LINGO1: variants seen among roughly 807,000 people sequenced by gnomAD.
LINGO1 encodes the protein leucine-rich repeat and immunoglobulin-like domain-containing nogo receptor-interacting protein 1.
In LINGO1, 11 loss-of-function variants were observed where a neutral mutation model predicts 37.3. The ratio of observed to expected loss-of-function variants is 0.29; its 90% CI spans 0.19 to 0.49. The LOEUF (loss-of-function observed/expected upper bound fraction) is 0.49. LINGO1 is among the 20% of genes least tolerant of loss of function. LINGO1 has a pLI of 0.99. For missense variants in LINGO1, 585 were observed against 878.2 expected (o/e 0.67, Z 4.22); for synonymous variants, 387 against 403.0 (o/e 0.96, Z 0.48).
intron 1 of LINGO1, among the ~76,000 whole-genome samples, chr15:77,619,045 A>G (rs373806983): frequency 1.1e-3 from 167 of 152,370 alleles, no homozygotes; most frequent in African/African-American, 3.5e-3. Flanking sequence ...GAATGCCACC[A>G]AGTCCTGCCT....
chr15:77,664,161 GTGTGTGTGTGCGCGCGCGCA>G (rs1469164994), intron 3 of LINGO1, among the ~76,000 whole-genome samples: 1 of 143,212 alleles, frequency 7.0e-6, no homozygotes, highest in Non-Finnish European at 1.5e-5. Flanking sequence ...GTGTGTGTGT[GTGTGTGTGTGCGCGCGCGCA>G]TGCGTTTGCA....
At position 77,615,634 on chromosome 15, in the gene LINGO1, G is replaced by A. The variant is rs763809060; in HGVS notation, c.273C>T (p.Phe91=). Residue 91 remains phenylalanine, a synonymous_variant, in exon 2 of 2, where the codon TTC becomes TTT. Coordinates refer to ENST00000355300, the MANE Select transcript of LINGO1 (RefSeq NM_032808.7). ...GCTCCTCCAGGTGCGGGAAGCTGGCGAACTCGTCCTGGTTGAGCGTTTTGA... is the reference window on the plus strand; with the variant it reads ...GCTCCTCCAGGTGCGGGAAGCTGGCAAACTCGTCCTGGTTGAGCGTTTTGA... ...NRIKTLNQDE[F]ASFPHLEELE... is the part of the protein sequence containing the mutation. The A allele has an allele frequency of 7.4e-6, 12 of 1,612,130 alleles. No individual in the cohort carries two copies. Among genetic ancestry groups the A allele is most frequent in the South Asian group, 3.3e-5 (3 of 90,770 alleles).
intron 1 of LINGO1, among the ~76,000 whole-genome samples, chr15:77,752,263 G>C (rs1479945516): frequency 6.6e-6 from 1 of 152,196 alleles, no homozygotes; most frequent in Non-Finnish European, 1.5e-5. Context: ...GCTCCCCGCA[G>C]AGCCCCACCA....
At chr15:77,719,058 A>G (rs2076018198) in intron 2 of LINGO1, among the ~76,000 whole-genome samples, 1 of 150,184 alleles carries the variant, frequency 6.7e-6, no homozygotes. Context: ...ATAAATGAGG[A>G]GCTTGTCCAG....
At chr15:77,750,665 C>T (rs879430975) in intron 1 of LINGO1, among the ~76,000 whole-genome samples, 5 of 152,350 alleles carry the variant, frequency 3.3e-5, no homozygotes, top group African/African-American at 1.2e-4. Context: ...CTGTGCTGAG[C>T]CTACTATGAG....
intron 1 of LINGO1, among the ~76,000 whole-genome samples, chr15:77,760,727 C>G (rs62007789): frequency 0.033 from 5,091 of 152,168 alleles, 145 homozygotes; most frequent in Middle Eastern, 0.058. Flanking sequence ...TAAATCTCCC[C>G]CTATGTCCTG....
At chr15:77,801,705 C>T (rs115537961) in intron 1 of LINGO1, among the ~76,000 whole-genome samples, 2,388 of 152,156 alleles carry the variant, frequency 0.016, 57 homozygotes, top group African/African-American at 0.055. Flanking sequence ...CCATCCAGTC[C>T]CAGCCCCACC....
At chr15:77,617,441 C>T (rs570533588) in intron 1 of LINGO1, among the ~76,000 whole-genome samples, 25 of 152,288 alleles carry the variant, frequency 1.6e-4, no homozygotes, top group African/African-American at 6.0e-4. Context: ...AGACCCATCC[C>T]TGCTCCTCTA....
chr15:77,809,826 CCT>C (rs992665946), intron 1 of LINGO1, among the ~76,000 whole-genome samples: 17 of 152,186 alleles, frequency 1.1e-4, no homozygotes, highest in African/African-American at 1.9e-4. Flanking sequence ...GCAACATGCC[CCT>C]GTCTCACAGC....
intron 3 of LINGO1, chr15:77,648,990 C>G (rs2074698785): frequency 6.6e-6 from 1 of 152,264 alleles, no homozygotes; most frequent in African/African-American, 2.4e-5. Flanking sequence ...AACCCCTCAG[C>G]TCTGCATGTA....
At chr15:77,705,805 G>A (rs1000553200) in intron 2 of LINGO1, among the ~76,000 whole-genome samples, 4 of 152,224 alleles carry the variant, frequency 2.6e-5, no homozygotes, top group African/African-American at 9.6e-5. Flanking sequence ...TCCTAGGGGA[G>A]AGTCAGCCAC....
At chr15:77,798,455 A>G (rs928401006) in intron 1 of LINGO1, among the ~76,000 whole-genome samples, 1 of 152,144 alleles carries the variant, frequency 6.6e-6, no homozygotes, top group Non-Finnish European at 1.5e-5. Context: ...GCTCCAAGAC[A>G]ATGAATGGGC....
In LINGO1 at chr15:77,673,833, G is replaced by C. The variant is rs148135662; in HGVS notation, c.-13+3256C>G. Among the ~76,000 whole-genome samples, 36 of 152,130 alleles carry C rather than the reference G, an allele frequency of 2.4e-4. No individual in the cohort carries two copies. In the East Asian group the frequency reaches 7.0e-3, roughly 29 times the overall value. On this transcript the variant is annotated intron_variant, in intron 3 of 3. Transcript: ENST00000559893. ...TGTCTACAGGCATCTCACCATTTAC[G>C]TGTCCACTGCTAGGGCTGGCTCACA...
At chr15:77,772,824 A>G (rs2076599555) in intron 1 of LINGO1, among the ~76,000 whole-genome samples, 1 of 152,126 alleles carries the variant, frequency 6.6e-6, no homozygotes, top group South Asian at 2.1e-4. Flanking sequence ...AAACATCATC[A>G]TAATTATCTG....
chr15:77,781,642 T>A (rs1177380409), intron 1 of LINGO1, among the ~76,000 whole-genome samples: 1 of 152,054 alleles, frequency 6.6e-6, no homozygotes, highest in Admixed American at 6.5e-5. Context: ...CACTCCGCAC[T>A]CCGTACACCA....
chr15:77,798,676 T>C (rs921400376), intron 1 of LINGO1, among the ~76,000 whole-genome samples: 2 of 152,190 alleles, frequency 1.3e-5, no homozygotes. Flanking sequence ...AAACCCCAGC[T>C]GCAGGCCTCA....
At position 77,632,427 on chromosome 15, in the gene LINGO1, G is replaced by C; in HGVS notation, c.-112C>G. ...CCCCTCCTCCGTTTCCTCCTCCTCC[G>C]ACACCTCCGCCCGGCAGTCCGCGCG... On this transcript the variant is annotated 5_prime_UTR_variant, in exon 1 of 2. Coordinates refer to ENST00000355300, the MANE Select transcript of LINGO1 (RefSeq NM_032808.7). This position sits in a 1 kb window ranked among gnomAD's most constrained non-coding sequence, Gnocchi z 6.0. 1 of 1,157,488 alleles carries C rather than the reference G, an allele frequency of 8.6e-7. No homozygotes were observed. Among genetic ancestry groups the C allele is most frequent in the East Asian group, 3.3e-5 (1 of 30,228 alleles). The allele number at this position is 1,157,488 out of a possible 1,614,324, so 71.7% of individuals were successfully genotyped here. A position where few individuals can be genotyped will look rare whatever the true frequency, so the allele number is the denominator to read the frequency against.
At chr15:77,812,284 G>A (rs920830284) in intron 1 of LINGO1, among the ~76,000 whole-genome samples, 6 of 152,252 alleles carry the variant, frequency 3.9e-5, no homozygotes, top group Admixed American at 2.0e-4. Flanking sequence ...ATCCTCATGC[G>A]GCCACCATCC....
chr15:77,660,512 T>C (rs16969041), intron 3 of LINGO1, among the ~76,000 whole-genome samples: 4,386 of 152,236 alleles, frequency 0.029, 211 homozygotes, highest in African/African-American at 0.1. Context: ...CTGACATGGT[T>C]TGCAGCAACA....
Sources: gnomAD v4.1 joint callset for allele counts (sites outside exome capture counted in the v4.1 genomes callset) on GRCh38, gnomAD v4.1.1 for gene constraint, Gnocchi (gnomAD v3.1) non-coding constraint, MANE v1.5 for transcripts, NCBI Gene and HGNC (gene_info 2026-07-23, HGNC 2026-07-21) for gene names.